Variants in VKORC1 observed in about 807,000 individuals in gnomAD.
The protein encoded by VKORC1 is vitamin K epoxide reductase complex subunit 1.
Under a neutral mutation model 14.8 loss-of-function variants are expected in VKORC1, and 12 were observed. The ratio of observed to expected loss-of-function variants is 0.81; its 90% CI spans 0.52 to 1.31. The LOEUF is 1.31. Among genes scored for constraint, VKORC1 ranks in the 50% most tolerant of loss-of-function variants. The probability of loss-of-function intolerance (pLI) is 0.00; values close to 1 mark genes in which losing one functional copy is unlikely to be tolerated. For missense variants in VKORC1, 223 were observed against 215.3 expected (o/e 1.04, Z -0.22); for synonymous variants, 94 against 92.5 (o/e 1.02, Z -0.09).
chr16:31,093,265 G>T (rs758386280), intron 2 of VKORC1, 47 bp downstream of exon 2: 5 of 1,441,998 alleles, frequency 3.5e-6, no homozygotes, highest in Admixed American at 4.0e-5. Flanking sequence ...GACCAAGGGG[G>T]ATGAGGGGCG....
intron 2 of VKORC1, among the ~76,000 whole-genome samples, chr16:31,092,176 CAAA>C (rs35224256): frequency 2.7e-5 from 1 of 37,184 alleles, no homozygotes; most frequent in Non-Finnish European, 5.5e-5. Flanking sequence ...GACTATGTCG[CAAA>C]AAAAAAAAAA....
In VKORC1 at chr16:31,093,294, G is replaced by A. The variant is rs770453690; in HGVS notation, c.283+18C>T. On this transcript the variant is annotated intron_variant, in intron 2 of 2. Coordinates refer to ENST00000394975, the MANE Select transcript of VKORC1 (RefSeq NM_024006.6). Reference sequence around the variant, plus strand: ...AGGGGCGGGGCGGGGCGGGCAGGGAGGGGGCGGAGCCACTCACCTAACAAT... The same window carrying A: ...AGGGGCGGGGCGGGGCGGGCAGGGAAGGGGCGGAGCCACTCACCTAACAAT... 12 of 1,609,314 alleles carry A rather than the reference G, an allele frequency of 7.5e-6. No individual in the cohort carries two copies. The highest frequency in any genetic ancestry group is 3.3e-5 in the Admixed American group (2 of 59,938).
chr16:31,094,072 T>G, intron 1 of VKORC1: 1 of 1,262,962 alleles, frequency 7.9e-7, no homozygotes, highest in South Asian at 1.4e-5. Flanking sequence ...AGACTGGGAG[T>G]CGGGGGCAGA....
chr16:31,093,205 TG>T, intron 2 of VKORC1, 106 bp downstream of exon 2: 1 of 1,170,256 alleles, frequency 8.5e-7, no homozygotes, highest in Non-Finnish European at 1.2e-6. Context: ...AGCAGCTAGC[TG>T]GCTGTCAGCT....
chr16:31,093,337 G>A lies in VKORC1; in HGVS notation c.258C>T (p.Ile86=). The change falls in exon 2 of 3, where the codon ATC becomes ATT. Residue 86 remains isoleucine, a synonymous_variant. Transcript: ENST00000394975. ...LNQSNSIFGC[I]FYTLQLLLGC... ...CTAACAATAGCTGTAGTGTGTAGAAGATGCAACCGAATATGCTGTTGGATT... is the reference window on the plus strand; with the variant it reads ...CTAACAATAGCTGTAGTGTGTAGAAAATGCAACCGAATATGCTGTTGGATT... 1.2e-6 allele frequency: 2 copies of A among 1,614,074 alleles called. No homozygotes were observed. The highest frequency in any genetic ancestry group is 8.5e-7 in the Non-Finnish European group (1 of 1,180,026).
Position 31,091,086 on chromosome 16 carries a change from ACATGC to A in VKORC1, c.*43_*47del. On this transcript the variant is annotated 3_prime_UTR_variant, in exon 3 of 3. Coordinates refer to ENST00000394975, the MANE Select transcript of VKORC1 (RefSeq NM_024006.6). ...AGATATGCCCCCTTAGGCAAGGCTC[ACATGC>A]CAAAGCAAAGCAGATGAGGTCAGCC... The A allele has an allele frequency of 6.2e-7, 1 of 1,608,118 alleles. No homozygotes were observed.
intron 2 of VKORC1, among the ~76,000 whole-genome samples, chr16:31,092,226 C>A (rs2057294801): frequency 6.9e-6 from 1 of 144,482 alleles, no homozygotes; most frequent in Non-Finnish European, 1.5e-5. Flanking sequence ...CAGTGACATG[C>A]CTATAGTCCT....
At position 31,094,706 on chromosome 16, in the gene VKORC1, A is replaced by G. The variant is rs1237732025; in HGVS notation, c.24T>C (p.Pro8=). 6.2e-7 allele frequency: 1 copy of G among 1,608,268 alleles called. No homozygotes were observed. Among genetic ancestry groups the G allele is most frequent in the Admixed American group, 1.7e-5 (1 of 59,622 alleles). The change falls in exon 1 of 3, where the codon CCT becomes CCC. Residue 8 remains proline (P), a synonymous_variant. Transcript: ENST00000394975. The part of the protein sequence containing the change: MGSTWGS[P]GWVRLALCLT... Reference sequence around the variant, plus strand: ...GGCAAAGAGCGAGCCGCACCCAGCCAGGGCTCCCCCAGGTGCTGCCCATTA... The same window carrying G: ...GGCAAAGAGCGAGCCGCACCCAGCCGGGGCTCCCCCAGGTGCTGCCCATTA...
chr16:31,093,577 C>T (rs2057305116), intron 1 of VKORC1, 156 bp from the exon 2 acceptor site: 8 of 1,523,128 alleles, frequency 5.3e-6, no homozygotes, highest in African/African-American at 1.4e-5. Context: ...CTCCTGGCAC[C>T]GGGCACCTTT....
At chr16:31,094,294 C>G (rs1163649098) in intron 1 of VKORC1, 5 of 1,612,956 alleles carry the variant, frequency 3.1e-6, no homozygotes, top group Non-Finnish European at 4.2e-6. Context: ...CCCCGCCTTT[C>G]CTGGTCACCG....
chr16:31,091,950 C>T (rs1331590103), intron 2 of VKORC1, among the ~76,000 whole-genome samples: 2 of 151,890 alleles, frequency 1.3e-5, no homozygotes, highest in East Asian at 3.9e-4. Context: ...GAGGCCAAGG[C>T]GGATGGATCA....
chr16:31,094,675 C>T lies in VKORC1; in HGVS notation c.55G>A (p.Gly19Ser), dbSNP rs1163079898. 1.3e-5 allele frequency: 21 copies of T among 1,608,170 alleles called. No homozygotes were observed. The highest frequency in any genetic ancestry group is 1.6e-5 in the Non-Finnish European group (19 of 1,178,888). ...AGCGCGTAGAGCGAGAGCACTAAGCCCGTCAGGCAAAGAGCGAGCCGCACC... is the reference window on the plus strand; with the variant it reads ...AGCGCGTAGAGCGAGAGCACTAAGCTCGTCAGGCAAAGAGCGAGCCGCACC... ...GWVRLALCLT[G>S]LVLSLYALHV... The change falls in exon 1 of 3, where the codon GGC becomes AGC. Residue 19 changes from glycine (G) to serine (S), a missense_variant. By Grantham distance (56) the Gly-to-Ser change is moderately conservative (BLOSUM62 0). Coordinates refer to ENST00000394975, the MANE Select transcript of VKORC1 (RefSeq NM_024006.6).
At position 31,094,703 on chromosome 16, in the gene VKORC1, G is replaced by A; in HGVS notation, c.27C>T (p.Gly9=). Residue 9 remains glycine, a synonymous_variant, in exon 1 of 3, where the codon GGC becomes GGT. Coordinates refer to ENST00000394975, the MANE Select transcript of VKORC1 (RefSeq NM_024006.6). MGSTWGSP[G]WVRLALCLTG... ...TCAGGCAAAGAGCGAGCCGCACCCAGCCAGGGCTCCCCCAGGTGCTGCCCA... is the reference window on the plus strand; with the variant it reads ...TCAGGCAAAGAGCGAGCCGCACCCAACCAGGGCTCCCCCAGGTGCTGCCCA... 6.2e-7 allele frequency: 1 copy of A among 1,608,332 alleles called. No individual in the cohort carries two copies. Among genetic ancestry groups the A allele is most frequent in the East Asian group, 2.2e-5 (1 of 44,774 alleles).
chr16:31,093,238 T>G, intron 2 of VKORC1, 74 bp downstream of exon 2: 1 of 1,266,954 alleles, frequency 7.9e-7, no homozygotes, highest in South Asian at 1.3e-5. Context: ...CAAGATTGCA[T>G]GGAGTGGGGC....
chr16:31,093,284 C>T (rs772676370), intron 2 of VKORC1, 28 bp downstream of exon 2: 24 of 1,019,848 alleles, frequency 2.4e-5, no homozygotes, highest in East Asian at 1.1e-4. Context: ...CGGGGCGGGG[C>T]GGGCAGGGAG....
rs1273794953 is a variant in VKORC1 at position 31,094,629 on chromosome 16, G to A, written c.101C>T (p.Ala34Val). 3.1e-6 allele frequency: 5 copies of A among 1,606,208 alleles called. No individual in the cohort carries two copies. Among genetic ancestry groups the A allele is most frequent in the Non-Finnish European group, 4.2e-6 (5 of 1,178,060 alleles). ...GAGCGCGCGGTAATCCCGGTCCCGGGCGCGCGCCGCCTTCACGTGCAGCGC... is the reference window on the plus strand; with the variant it reads ...GAGCGCGCGGTAATCCCGGTCCCGGACGCGCGCCGCCTTCACGTGCAGCGC... ...LYALHVKAAR[A>V]RDRDYRALCD... The change falls in exon 1 of 3, where the codon GCC becomes GTC. Residue 34 changes from alanine to valine, a missense_variant. Ala to Val is a moderately conservative substitution (Grantham distance 64). Transcript: ENST00000394975.
chr16:31,094,700 C>G lies in VKORC1; in HGVS notation c.30G>C (p.Trp10Cys), dbSNP rs763425395. The change falls in exon 1 of 3, where the codon TGG becomes TGC. Residue 10 changes from tryptophan (W) to cysteine (C), a missense_variant. Physicochemically the swap from Trp to Cys is radical, Grantham distance 215. Coordinates refer to ENST00000394975, the MANE Select transcript of VKORC1 (RefSeq NM_024006.6). The stretch of plus-strand genomic sequence containing the variant: ...CCGTCAGGCAAAGAGCGAGCCGCAC[C>G]CAGCCAGGGCTCCCCCAGGTGCTGC... MGSTWGSPG[W>C]VRLALCLTGL... The G allele has an allele frequency of 3.4e-5, 55 of 1,608,406 alleles. No homozygotes were observed. Among genetic ancestry groups the G allele is most frequent in the Non-Finnish European group, 4.0e-5 (47 of 1,178,974 alleles).
At chr16:31,094,147 C>T in intron 1 of VKORC1, 3 of 1,545,510 alleles carry the variant, frequency 1.9e-6, no homozygotes, top group Non-Finnish European at 2.6e-6. Flanking sequence ...CTCTGTATTC[C>T]GTCATTATGC....
rs1366222944 is a variant in VKORC1 at position 31,094,772 on chromosome 16, C to T, written c.-43G>A. 2 of 1,562,824 alleles carry T rather than the reference C, an allele frequency of 1.3e-6. No individual in the cohort carries two copies. The highest frequency in any genetic ancestry group is 1.7e-6 in the Non-Finnish European group (2 of 1,158,848). ...CGAGGCGCCCGCGGAGAAAACCAGC[C>T]ACGGAGCAGGGGCCGGGCGGCGAAT... On this transcript the variant is annotated 5_prime_UTR_variant, in exon 1 of 3. Coordinates refer to ENST00000394975, the MANE Select transcript of VKORC1 (RefSeq NM_024006.6).
Sources: gnomAD v4.1 joint callset for allele counts (sites outside exome capture counted in the v4.1 genomes callset) on GRCh38, gnomAD v4.1.1 for gene constraint, MANE v1.5 for transcripts, NCBI Gene and HGNC (gene_info 2026-07-23, HGNC 2026-07-21) for gene names.